The following TTC39A variants were observed in gnomAD, a reference collection of about 807,000 sequenced individuals.
TTC39A encodes tetratricopeptide repeat domain 39A, also known as tetratricopeptide repeat protein 39A.
In TTC39A, 46 loss-of-function variants were observed where a neutral mutation model predicts 82.3. The observed-to-expected ratio is 0.56, with a 90% confidence interval of 0.44 to 0.71. The LOEUF (loss-of-function observed/expected upper bound fraction) is 0.71. TTC39A is among the 30% of genes least tolerant of loss of function. The pLI is 0.00. For synonymous variants in TTC39A, 254 were observed against 275.2 expected, an observed-to-expected ratio of 0.92 and a Z score of 0.76; for missense variants, 543 against 712.9, an observed-to-expected ratio of 0.76 and a Z score of 2.71.
intron 1 of TTC39A, chr1:51,322,162 TG>T (rs895660092): frequency 1.3e-6 from 2 of 1,549,568 alleles, no homozygotes; most frequent in African/African-American, 2.7e-5. Flanking sequence ...TCTGGCCCAT[TG>T]GGCTCTGCTG....
At chr1:51,320,441 C>G (rs1178055119) in intron 2 of TTC39A, among the ~76,000 whole-genome samples, 1 of 70,852 alleles carries the variant, frequency 1.4e-5, no homozygotes, top group African/African-American at 5.9e-5. Context: ...TTTTTTGAGA[C>G]AGGGTTTTGC....
In TTC39A at chr1:51,305,991, C is replaced by CTACA; in HGVS notation, c.570_573dup (p.Gly192CysfsTer14). On this transcript the variant is annotated frameshift_variant, in exon 7 of 18. Transcript: ENST00000680483. LOFTEE classifies it high-confidence loss of function. ...GGAGCACTCACCAGGTTGAAGGCCC[C>CTACA]TACACCAAGCTTCACTCCTCCTTCA... 6.2e-7 allele frequency: 1 copy of CTACA among 1,613,994 alleles called. No individual in the cohort carries two copies. Among genetic ancestry groups the CTACA allele is most frequent in the South Asian group, 1.1e-5 (1 of 91,084 alleles).
chr1:51,339,989 C>G (rs1175600071), intron 1 of TTC39A, among the ~76,000 whole-genome samples: 1 of 152,014 alleles, frequency 6.6e-6, no homozygotes, highest in Non-Finnish European at 1.5e-5. Flanking sequence ...GGATTGGTGC[C>G]CTTATAAAAG....
chr1:51,324,674 A>G (rs1184800867), intron 1 of TTC39A, among the ~76,000 whole-genome samples: 1 of 151,850 alleles, frequency 6.6e-6, no homozygotes, highest in Non-Finnish European at 1.5e-5. Flanking sequence ...GGTGCCCACC[A>G]CCATGCCCGA....
At position 51,288,365 on chromosome 1, in the gene TTC39A, G is replaced by A. The variant is rs955417880; in HGVS notation, c.1611-85C>T. The stretch of plus-strand genomic sequence containing the variant: ...CCTGTTTGAGCTGTATGAGCCCCGC[G>A]AGCCAAGGAAGGATTGTAGAGAAAT... On this transcript the variant is annotated intron_variant, in intron 17 of 17. Transcript: ENST00000680483. The surrounding 1 kb of genome is among the most constrained non-coding windows in gnomAD (Gnocchi z 4.8). The A allele has an allele frequency of 6.3e-6, 10 of 1,589,592 alleles. No homozygotes were observed. The highest frequency in any genetic ancestry group is 3.4e-5 in the Admixed American group (2 of 59,000).
At position 51,311,267 on chromosome 1, in the gene TTC39A, A is replaced by G; in HGVS notation, c.410T>C (p.Leu137Pro). The G allele has an allele frequency of 6.3e-7, 1 of 1,584,968 alleles. No homozygotes were observed. ...GGGGGTCCCTACCTGCAGGAAGGTC[A>G]GGGCTGCTCGCTGCAGCAGGCACTC... is the stretch of plus-strand genomic sequence containing the variant. ...YAECLLQRAA[L>P]TFLQDENMVS... Residue 137 changes from leucine to proline, a missense_variant, in exon 5 of 18, where the codon CTG (leucine) becomes CCG (proline). Leu to Pro is a moderately conservative substitution (Grantham distance 98). Transcript: ENST00000680483.
At chr1:51,339,124 C>T (rs1424791798) in intron 1 of TTC39A, among the ~76,000 whole-genome samples, 1 of 152,142 alleles carries the variant, frequency 6.6e-6, no homozygotes, top group African/African-American at 2.4e-5. Context: ...GGGGGCTGGT[C>T]AGAGCAGACC....
rs1324070450 is a variant in TTC39A, at chr1:51,302,146, C to T, written c.891+211G>A. 1.8e-5 allele frequency: 13 copies of T among 742,226 alleles called. No homozygotes were observed. In the East Asian group the frequency reaches 3.2e-4, roughly 18 times the overall value. The allele number at this position is 742,226 out of a possible 1,614,324, so 46.0% of individuals were successfully genotyped here. Reference sequence around the variant, plus strand: ...GTCCTATATCTCCCAGTCAAAATCCCAGGCACCACAAATGCCTCCTCCTCC... The same window carrying T: ...GTCCTATATCTCCCAGTCAAAATCCTAGGCACCACAAATGCCTCCTCCTCC... On this transcript the variant is annotated intron_variant, in intron 11 of 17. Transcript: ENST00000680483.
chr1:51,305,628 A>G (rs1644839668), intron 7 of TTC39A: 1 of 352,882 alleles, frequency 2.8e-6, no homozygotes, highest in Non-Finnish European at 5.3e-6. Context: ...TCCTTCCCTG[A>G]CACTGGTAAA....
intron 5 of TTC39A, 121 bp from the exon 6 acceptor site, chr1:51,309,446 C>T (rs767873022): frequency 7.1e-6 from 11 of 1,543,894 alleles, no homozygotes; most frequent in Admixed American, 2.0e-5. Context: ...GGGATGAGGT[C>T]GGAGGTCAGC....
rs1644820960 is a variant in TTC39A at position 51,305,112 on chromosome 1, A to C, written c.623T>G (p.Leu208Arg). ...TCCTGAAAACCCCACAAACTCCAAC[A>C]GCCTCAGGATCCTAGTAGGAAGCAT... is the stretch of plus-strand genomic sequence containing the variant. ...LSMLPTRILR[L>R]LEFVGFSGNK... Residue 208 changes from leucine (L) to arginine (R), a missense_variant, in exon 8 of 18, where the codon CTG (leucine) becomes CGG (arginine). Physicochemically the swap from Leu to Arg is moderately radical, Grantham distance 102. Coordinates refer to ENST00000680483, the MANE Select transcript of TTC39A (RefSeq NM_001297663.2). 6.2e-7 allele frequency: 1 copy of C among 1,613,474 alleles called. No homozygotes were observed. Among genetic ancestry groups the C allele is most frequent in the African/African-American group, 1.3e-5 (1 of 74,898 alleles).
chr1:51,299,152 G>A lies in TTC39A; in HGVS notation c.1053+2420C>T, dbSNP rs1049529829. Reference sequence around the variant, plus strand: ...AGATAAGTTGGTTTACTTAGGCCTCGGAACCTGGCCTTTAATCATCATGCG... The same window carrying A: ...AGATAAGTTGGTTTACTTAGGCCTCAGAACCTGGCCTTTAATCATCATGCG... On this transcript the variant is annotated intron_variant, in intron 12 of 17. Coordinates refer to ENST00000680483, the MANE Select transcript of TTC39A (RefSeq NM_001297663.2). The A allele has an allele frequency of 6.6e-5, 10 of 152,208 alleles. No individual in the cohort carries two copies. The East Asian group carries it at 7.7e-4, about 12-fold the overall frequency. The allele number at this position is 152,208 out of a possible 1,614,324, so 9.4% of individuals were successfully genotyped here.
intron 1 of TTC39A, among the ~76,000 whole-genome samples, chr1:51,338,261 C>A (rs987195482): frequency 6.6e-6 from 1 of 152,276 alleles, no homozygotes; most frequent in African/African-American, 2.4e-5. Flanking sequence ...TGAATTTTGG[C>A]TTCTTCACTA....
chr1:51,322,627 C>T (rs1645571438), intron 1 of TTC39A, among the ~76,000 whole-genome samples: 1 of 152,014 alleles, frequency 6.6e-6, no homozygotes. Flanking sequence ...GAGTCTAAGG[C>T]TAGGAAAGCA....
intron 3 of TTC39A, 55 bp from the exon 4 acceptor site, chr1:51,312,250 C>G (rs370305822): frequency 6.7e-4 from 983 of 1,462,492 alleles, no homozygotes; most frequent in Non-Finnish European, 8.7e-4. Context: ...CCACACTTGT[C>G]TCTGCCCCTC....
chr1:51,306,119 T>G, intron 6 of TTC39A, 43 bp from the exon 7 acceptor site: 74 of 1,316,690 alleles, frequency 5.6e-5, no homozygotes, highest in Non-Finnish European at 7.1e-5. Context: ...CTGCTGGGGG[T>G]GGGGGGTAGG....
rs184291980 is a variant in TTC39A, at chr1:51,311,637, G to A, written c.356-316C>T. On this transcript the variant is annotated intron_variant, in intron 4 of 17. Coordinates refer to ENST00000680483, the MANE Select transcript of TTC39A (RefSeq NM_001297663.2). ...TGCTGCAGAGCCCCTCACTGCTTGCGGTCAGCCACTGCTGCCTCCAGGACA... is the reference window on the plus strand; with the variant it reads ...TGCTGCAGAGCCCCTCACTGCTTGCAGTCAGCCACTGCTGCCTCCAGGACA... 1.8e-4 allele frequency among the ~76,000 whole-genome samples: 27 copies of A among 152,190 alleles called. No homozygotes were observed. The East Asian group carries it at 2.7e-3, about 15-fold the overall frequency.
At chr1:51,331,214 G>T, upstream of TTC39A, 1 of 1,549,594 alleles carries the variant, frequency 6.5e-7, no homozygotes, top group South Asian at 1.2e-5. Context: ...CAACACTCTG[G>T]CCCCTTTCCC....
intron 1 of TTC39A, among the ~76,000 whole-genome samples, chr1:51,324,819 C>G (rs1645652573): frequency 6.6e-6 from 1 of 152,054 alleles, no homozygotes; most frequent in Non-Finnish European, 1.5e-5. Context: ...AGGCGTGAGC[C>G]ACTGCACCTG....
Sources: allele counts gnomAD v4.1 joint callset (sites outside exome capture counted in the v4.1 genomes callset), GRCh38; gene constraint gnomAD v4.1.1; non-coding constraint Gnocchi (gnomAD v3.1); transcripts MANE v1.5; gene names NCBI Gene and HGNC (gene_info 2026-07-23, HGNC 2026-07-21).